The following NELL1 variants were observed in gnomAD, a reference collection of about 807,000 sequenced individuals.
The protein encoded by NELL1 is neural EGFL like 1.
NELL1 carries 76 observed loss-of-function variants against 107.4 expected under a neutral mutation model. The observed-to-expected ratio is 0.71, with a 90% CI of 0.59 to 0.86. The LOEUF (loss-of-function observed/expected upper bound fraction) is 0.86. Among genes scored for constraint, NELL1 ranks in the 40% least tolerant of loss-of-function variants. The pLI, the probability that NELL1 is intolerant of heterozygous loss-of-function variation, is 0.00. For synonymous variants in NELL1, 353 were observed against 341.2 expected (o/e 1.03, Z -0.38); for missense variants, 1,024 against 1,005.5 (o/e 1.02, Z -0.25).
chr11:20,866,846 G>A (rs1002309051), intron 4 of NELL1, among the ~76,000 whole-genome samples: 4 of 152,044 alleles, frequency 2.6e-5, no homozygotes, highest in Non-Finnish European at 4.4e-5. Flanking sequence ...TGTAACCCTT[G>A]CCTCCAATAA....
At chr11:21,468,190 A>G (rs766747890) in intron 15 of NELL1, among the ~76,000 whole-genome samples, 3 of 152,080 alleles carry the variant, frequency 2.0e-5, no homozygotes, top group East Asian at 1.9e-4. Context: ...GCTACCATCA[A>G]TGGTCTGGCC....
chr11:20,991,991 CAAA>C (rs57278158), intron 12 of NELL1, among the ~76,000 whole-genome samples: 29 of 110,016 alleles, frequency 2.6e-4, no homozygotes, highest in Non-Finnish European at 3.3e-4. Flanking sequence ...GTGTAGCATG[CAAA>C]AAAAAAAAAA....
chr11:21,245,696 G>A (rs911818255), intron 14 of NELL1, among the ~76,000 whole-genome samples: 1 of 152,080 alleles, frequency 6.6e-6, no homozygotes, highest in African/African-American at 2.4e-5. Context: ...TATCATGTAT[G>A]GGTTATTTAG....
intron 15 of NELL1, among the ~76,000 whole-genome samples, chr11:21,443,105 G>A (rs1311475665): frequency 1.3e-5 from 2 of 152,050 alleles, no homozygotes; most frequent in African/African-American, 4.8e-5. Context: ...CAAGATTGAC[G>A]GGACATATCC....
At chr11:20,773,830 T>A (rs1398548378) in intron 2 of NELL1, among the ~76,000 whole-genome samples, 2 of 152,074 alleles carry the variant, frequency 1.3e-5, no homozygotes, top group Non-Finnish European at 2.9e-5. Context: ...CAGTGAGGCT[T>A]CAGAGCCTGA....
intron 12 of NELL1, among the ~76,000 whole-genome samples, chr11:21,079,975 A>G (rs1380008813): frequency 1.3e-5 from 2 of 152,046 alleles, no homozygotes; most frequent in Admixed American, 6.6e-5. Flanking sequence ...GGTAGAGAAA[A>G]TGATGACCTT....
rs867011768 is a variant in NELL1 at position 20,678,002 on chromosome 11, C to A, written c.126C>A (p.Thr42=). 11 of 1,614,052 alleles carry A rather than the reference C, an allele frequency of 6.8e-6. No individual in the cohort carries two copies. Among genetic ancestry groups the A allele is most frequent in the Non-Finnish European group, 9.3e-6 (11 of 1,179,962 alleles). The change falls in exon 2 of 20, where the codon ACC becomes ACA. Residue 42 remains threonine (T), a synonymous_variant. Coordinates refer to ENST00000357134, the MANE Select transcript of NELL1 (RefSeq NM_006157.5). ...IVTELDLVNT[T]LGVAQVSGMH... The stretch of plus-strand genomic sequence containing the variant: ...CCGAGCTTGACCTTGTGAACACCAC[C>A]CTTGGAGTTGCTCAGGTGTCTGGAA...
At chr11:21,223,450 G>A (rs1402371021) in intron 13 of NELL1, among the ~76,000 whole-genome samples, 3 of 151,902 alleles carry the variant, frequency 2.0e-5, no homozygotes, top group African/African-American at 2.4e-5. Context: ...TAGATGGTGT[G>A]TGTTTTTACA....
At chr11:21,488,440 A>G (rs966680083) in intron 15 of NELL1, among the ~76,000 whole-genome samples, 2 of 152,008 alleles carry the variant, frequency 1.3e-5, no homozygotes, top group Non-Finnish European at 2.9e-5. Context: ...CAGTCTTTGT[A>G]TGATTTCCTG....
rs143768029 is a variant in NELL1 at position 21,495,518 on chromosome 11, A to G, written c.1646-38856A>G. Among the ~76,000 whole-genome samples, 47 of 152,258 alleles carry G rather than the reference A, an allele frequency of 3.1e-4. 1 individual carries two copies. In the East Asian group the frequency reaches 8.7e-3, roughly 28 times the overall value. ...ATATTTGTAATTCTCTTGGGTGTGT[A>G]TACTTAGGAGTGGGATTGATGGATC... On this transcript the variant is annotated intron_variant, in intron 15 of 19. Coordinates refer to ENST00000357134, the MANE Select transcript of NELL1 (RefSeq NM_006157.5).
At chr11:20,766,408 G>T (rs537637013) in intron 2 of NELL1, among the ~76,000 whole-genome samples, 1 of 152,332 alleles carries the variant, frequency 6.6e-6, no homozygotes, top group South Asian at 2.1e-4. Context: ...ACACAAGGTG[G>T]TTGGCATTCA....
At chr11:21,038,316 G>A (rs1450521369) in intron 12 of NELL1, among the ~76,000 whole-genome samples, 1 of 152,120 alleles carries the variant, frequency 6.6e-6, no homozygotes, top group Non-Finnish European at 1.5e-5. Context: ...TGTGTTTTTG[G>A]TTGTATTTGG....
intron 10 of NELL1, among the ~76,000 whole-genome samples, chr11:20,938,440 GGAGA>G (rs1420760486): frequency 6.6e-6 from 1 of 152,110 alleles, no homozygotes; most frequent in Non-Finnish European, 1.5e-5. Flanking sequence ...GTCTAGTGAG[GGAGA>G]GAGACAGTAA....
At chr11:21,099,133 T>C (rs955899034) in intron 12 of NELL1, among the ~76,000 whole-genome samples, 9 of 151,766 alleles carry the variant, frequency 5.9e-5, no homozygotes, top group African/African-American at 2.2e-4. Context: ...AAATTCTGAG[T>C]TTTTTTAAAC....
intron 17 of NELL1, among the ~76,000 whole-genome samples, chr11:21,567,805 A>G (rs1857006342): frequency 6.6e-6 from 1 of 151,838 alleles, no homozygotes; most frequent in Non-Finnish European, 1.5e-5. Context: ...AATGACATAA[A>G]TAACATTTGC....
intron 3 of NELL1, among the ~76,000 whole-genome samples, chr11:20,787,951 T>C (rs1857001301): frequency 6.6e-6 from 1 of 152,224 alleles, no homozygotes; most frequent in South Asian, 2.1e-4. Context: ...ATAAGTGAAA[T>C]CATACACTGT....
chr11:21,055,925 A>G (rs1853604759), intron 12 of NELL1, among the ~76,000 whole-genome samples: 1 of 152,180 alleles, frequency 6.6e-6, no homozygotes, highest in African/African-American at 2.4e-5. Flanking sequence ...AAACAGCAAT[A>G]TTGACTTCCA....
chr11:20,965,387 A>G (rs1227950614), intron 12 of NELL1, among the ~76,000 whole-genome samples: 1 of 152,188 alleles, frequency 6.6e-6, no homozygotes, highest in Non-Finnish European at 1.5e-5. Flanking sequence ...GTTTATGAGG[A>G]TCTTTCTTGG....
chr11:20,757,704 A>G (rs1433304086), intron 2 of NELL1, among the ~76,000 whole-genome samples: 1 of 152,140 alleles, frequency 6.6e-6, no homozygotes, highest in African/African-American at 2.4e-5. Context: ...TCAGCCTCTG[A>G]GAGCCATGTG....
Sources: allele counts gnomAD v4.1 joint callset (sites outside exome capture counted in the v4.1 genomes callset), GRCh38; gene constraint gnomAD v4.1.1; transcripts MANE v1.5; gene names NCBI Gene and HGNC (gene_info 2026-07-23, HGNC 2026-07-21).